Variants in LRRTM4 observed in about 807,000 individuals in gnomAD.
LRRTM4 encodes leucine rich repeat transmembrane neuronal 4.
In LRRTM4, 25 loss-of-function variants were observed where a neutral mutation model predicts 47.6. The observed-to-expected ratio is 0.53, with a 90% confidence interval of 0.38 to 0.73. The LOEUF is 0.73. LRRTM4 is among the 30% of genes least tolerant of loss of function. The pLI is 0.00. For synonymous variants in LRRTM4, 311 were observed against 269.5 expected (o/e 1.15, Z -1.51); for missense variants, 638 against 713.4 (o/e 0.89, Z 1.20).
chr2:77,360,497 GATACGATA>G (rs2104314045), intron 3 of LRRTM4, among the ~76,000 whole-genome samples: 1 of 147,534 alleles, frequency 6.8e-6, no homozygotes, highest in African/African-American at 2.5e-5. Context: ...GATACGATAC[GATACGATA>G]CGATACGATA....
chr2:77,505,957 G>C (rs1353500315), intron 3 of LRRTM4, among the ~76,000 whole-genome samples: 1 of 151,554 alleles, frequency 6.6e-6, no homozygotes, highest in Admixed American at 6.6e-5. Flanking sequence ...AGGGAAGAGA[G>C]AGCGATACAA....
At chr2:76,803,044 G>C (rs111897768) in intron 3 of LRRTM4, among the ~76,000 whole-genome samples, 12 of 152,190 alleles carry the variant, frequency 7.9e-5, no homozygotes, top group Non-Finnish European at 1.8e-4. Context: ...TCTGGGTAAT[G>C]ATTTATTTTT....
chr2:76,973,578 A>T (rs1676295220), intron 3 of LRRTM4, among the ~76,000 whole-genome samples: 1 of 151,928 alleles, frequency 6.6e-6, no homozygotes, highest in Admixed American at 6.6e-5. Flanking sequence ...TTTTCCTGGG[A>T]GACAAGAGGT....
chr2:76,859,674 T>C (rs954640873), intron 3 of LRRTM4, among the ~76,000 whole-genome samples: 1 of 152,176 alleles, frequency 6.6e-6, no homozygotes, highest in African/African-American at 2.4e-5. Context: ...CCATGTATTC[T>C]ACCTTGGAAA....
At chr2:76,792,588 G>T (rs975129870) in intron 3 of LRRTM4, among the ~76,000 whole-genome samples, 24 of 152,110 alleles carry the variant, frequency 1.6e-4, no homozygotes, top group African/African-American at 5.6e-4. Flanking sequence ...AACAATCAGA[G>T]AATAAAGTGT....
At chr2:77,474,078 G>A (rs1405258179) in intron 3 of LRRTM4, among the ~76,000 whole-genome samples, 1 of 152,074 alleles carries the variant, frequency 6.6e-6, no homozygotes, top group East Asian at 1.9e-4. Context: ...TTCTGGGTCA[G>A]AGGTAAAGAA....
intron 3 of LRRTM4, among the ~76,000 whole-genome samples, chr2:77,292,568 A>G (rs1374430359): frequency 5.3e-5 from 8 of 151,902 alleles, no homozygotes; most frequent in Non-Finnish European, 1.0e-4. Flanking sequence ...GAAATTGGAA[A>G]TCATCATTCT....
chr2:77,039,326 C>CT (rs11302579), intron 3 of LRRTM4, among the ~76,000 whole-genome samples: 17 of 146,746 alleles, frequency 1.2e-4, no homozygotes, highest in East Asian at 4.0e-4. Context: ...AATTGTAAGT[C>CT]TTTTTTTTTT....
intron 3 of LRRTM4, among the ~76,000 whole-genome samples, chr2:76,931,139 T>A (rs962511272): frequency 1.1e-4 from 17 of 152,066 alleles, no homozygotes; most frequent in African/African-American, 3.6e-4. Context: ...AAGAAAAAAA[T>A]AACTGAAAGA....
At chr2:77,396,747 G>C (rs1223181413) in intron 3 of LRRTM4, among the ~76,000 whole-genome samples, 2 of 151,344 alleles carry the variant, frequency 1.3e-5, no homozygotes, top group Non-Finnish European at 3.0e-5. Context: ...ATGCACAATA[G>C]TTTTTTTTTC....
At chr2:77,342,691 T>A (rs1671415779) in intron 3 of LRRTM4, among the ~76,000 whole-genome samples, 1 of 151,978 alleles carries the variant, frequency 6.6e-6, no homozygotes, top group Admixed American at 6.6e-5. Context: ...TTTAATAAAT[T>A]AAAACTGTCA....
At chr2:77,311,235 G>A (rs982788215) in intron 3 of LRRTM4, among the ~76,000 whole-genome samples, 14 of 152,082 alleles carry the variant, frequency 9.2e-5, no homozygotes, top group Non-Finnish European at 1.6e-4. Context: ...TGTTGTTACA[G>A]GAAATCTACC....
intron 3 of LRRTM4, among the ~76,000 whole-genome samples, chr2:77,035,331 G>A (rs929601268): frequency 6.6e-6 from 1 of 151,370 alleles, no homozygotes; most frequent in African/African-American, 2.4e-5. Flanking sequence ...TTCCCCCGAT[G>A]ATAATATCTT....
chr2:77,133,049 G>A (rs1392090252), intron 3 of LRRTM4, among the ~76,000 whole-genome samples: 2 of 152,114 alleles, frequency 1.3e-5, no homozygotes, highest in South Asian at 2.1e-4. Context: ...ATATCTATCA[G>A]AACTGAACCA....
intron 3 of LRRTM4, among the ~76,000 whole-genome samples, chr2:76,938,079 CTTCTT>C (rs893224951): frequency 5.9e-5 from 9 of 151,852 alleles, no homozygotes; most frequent in African/African-American, 1.5e-4. Context: ...CTTTTCCTCT[CTTCTT>C]ATATTATTTT....
chr2:77,454,001 A>C (rs1676365495), intron 3 of LRRTM4, among the ~76,000 whole-genome samples: 1 of 152,134 alleles, frequency 6.6e-6, no homozygotes, highest in Non-Finnish European at 1.5e-5. Context: ...AGTTTCTTTG[A>C]ATACCTTACA....
At chr2:76,932,471 G>A (rs978538982) in intron 3 of LRRTM4, among the ~76,000 whole-genome samples, 2 of 152,012 alleles carry the variant, frequency 1.3e-5, no homozygotes, top group Non-Finnish European at 2.9e-5. Flanking sequence ...TTAGCCAGTG[G>A]AGTAAAGTGA....
intron 3 of LRRTM4, among the ~76,000 whole-genome samples, chr2:76,835,659 A>G (rs1671488026): frequency 6.6e-6 from 1 of 152,114 alleles, no homozygotes; most frequent in African/African-American, 2.4e-5. Context: ...TGAGAAAAGC[A>G]ATAGCAAATG....
chr2:77,302,724 A>T lies in LRRTM4; in HGVS notation c.1551+215594T>A, dbSNP rs573367941. Among the ~76,000 whole-genome samples, 947 of 152,266 alleles carry T rather than the reference A, an allele frequency of 6.2e-3. 3 individuals are homozygous for T. The highest frequency in any genetic ancestry group is 0.017 in the Admixed American group (253 of 15,284). ...ATCAAACTACCTTTATGTGTCTTCT[A>T]CAGTGCTTTTGAGTGAAACATCCAC... On this transcript the variant is annotated intron_variant, in intron 3 of 3. Transcript: ENST00000409884.
Sources: gnomAD v4.1 joint callset for allele counts (sites outside exome capture counted in the v4.1 genomes callset) on GRCh38, gnomAD v4.1.1 for gene constraint, MANE v1.5 for transcripts, NCBI Gene and HGNC (gene_info 2026-07-23, HGNC 2026-07-21) for gene names.